DLG2: variants seen among roughly 807,000 people sequenced by gnomAD.
DLG2 encodes the protein disks large homolog 2.
DLG2 carries 45 observed loss-of-function variants against 132.5 expected under a neutral mutation model. The ratio of observed to expected loss-of-function variants is 0.34; its 90% confidence interval spans 0.27 to 0.44. The LOEUF (loss-of-function observed/expected upper bound fraction) is 0.44. DLG2 is among the 20% of genes least tolerant of loss of function. The probability of loss-of-function intolerance (pLI) is 1.00; values close to 1 mark genes in which losing one functional copy is unlikely to be tolerated. For synonymous variants in DLG2, 424 were observed against 419.6 expected, an observed-to-expected ratio of 1.01 and a Z score of -0.13; for missense variants, 1,045 against 1,196.9, an observed-to-expected ratio of 0.87 and a Z score of 1.87.
chr11:83,624,387 A>T (rs185807072), intron 19 of DLG2, among the ~76,000 whole-genome samples: 14 of 152,224 alleles, frequency 9.2e-5, no homozygotes, highest in African/African-American at 3.4e-4. Flanking sequence ...ATCCACAATG[A>T]CTCCTCCTTC....
chr11:83,991,722 C>T (rs2093724133), intron 11 of DLG2, among the ~76,000 whole-genome samples: 1 of 152,068 alleles, frequency 6.6e-6, no homozygotes, highest in South Asian at 2.1e-4. Context: ...ATATTACAAA[C>T]CATCCTTAAT....
chr11:85,139,809 T>C (rs1484651570), intron 5 of DLG2, among the ~76,000 whole-genome samples: 1 of 152,092 alleles, frequency 6.6e-6, no homozygotes, highest in Non-Finnish European at 1.5e-5. Context: ...AACCACTGTT[T>C]TATTCTGTGT....
intron 18 of DLG2, among the ~76,000 whole-genome samples, chr11:83,653,104 C>T (rs1483831064): frequency 1.3e-5 from 2 of 152,152 alleles, no homozygotes; most frequent in African/African-American, 4.8e-5. Flanking sequence ...CATTCATGTA[C>T]ACAAAATGAC....
intron 11 of DLG2, among the ~76,000 whole-genome samples, chr11:83,997,791 A>T (rs1290072026): frequency 1.4e-5 from 2 of 146,492 alleles, no homozygotes; most frequent in Non-Finnish European, 3.0e-5. Context: ...AGTCCCTCAT[A>T]CAAACAGGAA....
At position 84,347,815 on chromosome 11, in the gene DLG2, T is replaced by A. The variant is rs888813396; in HGVS notation, c.520-96524A>T. On this transcript the variant is annotated intron_variant, in intron 7 of 27. Coordinates refer to ENST00000376104, the MANE Select transcript of DLG2 (RefSeq NM_001142699.3). ...AGTTCATAATATGTGAGAAAAATAA[T>A]GTTTATTTGTCACTCTTAGGCACAT... Among the ~76,000 whole-genome samples the A allele has an allele frequency of 3.9e-5, 6 of 152,292 alleles. 1 individual carries two copies. The South Asian group carries it at 1.0e-3, about 26-fold the overall frequency.
intron 3 of DLG2, among the ~76,000 whole-genome samples, chr11:85,580,738 T>C (rs1391817524): frequency 1.3e-5 from 2 of 152,188 alleles, no homozygotes; most frequent in Non-Finnish European, 2.9e-5. Flanking sequence ...GGCTCCAGAA[T>C]CCATACTCTT....
chr11:85,382,316 T>A (rs947510872), intron 3 of DLG2, among the ~76,000 whole-genome samples: 1 of 152,096 alleles, frequency 6.6e-6, no homozygotes, highest in African/African-American at 2.4e-5. Flanking sequence ...AAAATTCATA[T>A]GCAAAGGAAT....
At chr11:83,883,322 C>G (rs1032163512) in intron 15 of DLG2, among the ~76,000 whole-genome samples, 2 of 152,090 alleles carry the variant, frequency 1.3e-5, no homozygotes, top group Non-Finnish European at 2.9e-5. Context: ...ACCGAATTGA[C>G]TTGTAAGGCC....
At chr11:83,664,822 C>A (rs1251178323) in intron 18 of DLG2, among the ~76,000 whole-genome samples, 1 of 152,126 alleles carries the variant, frequency 6.6e-6, no homozygotes, top group Non-Finnish European at 1.5e-5. Context: ...GAAAGGTCCT[C>A]TTCTGAAAGC....
chr11:85,307,587 T>C (rs1445075316), intron 3 of DLG2, among the ~76,000 whole-genome samples: 1 of 152,160 alleles, frequency 6.6e-6, no homozygotes, highest in African/African-American at 2.4e-5. Flanking sequence ...ATGATCCCTT[T>C]CCTCAATTTC....
At chr11:84,822,799 G>A (rs1210257499) in intron 6 of DLG2, among the ~76,000 whole-genome samples, 1 of 151,884 alleles carries the variant, frequency 6.6e-6, no homozygotes, top group Non-Finnish European at 1.5e-5. Flanking sequence ...ATTTTCAAGG[G>A]ATTAAATGGG....
At chr11:83,629,053 G>C (rs768852550) in intron 19 of DLG2, among the ~76,000 whole-genome samples, 1 of 152,038 alleles carries the variant, frequency 6.6e-6, no homozygotes, top group African/African-American at 2.4e-5. Context: ...AAAGGCTCTT[G>C]GTTACCTCAT....
Position 84,166,356 on chromosome 11 carries a change from T to C in DLG2, c.574-2845A>G, listed in dbSNP as rs540489102. ...GTCTCTACTAAAATACAAAAAATTA[T>C]CTGGGCAGGGTGGCGTGCACCTGTA... is the stretch of plus-strand genomic sequence containing the variant. On this transcript the variant is annotated intron_variant, in intron 8 of 27. Transcript: ENST00000376104. 4.6e-5 allele frequency among the ~76,000 whole-genome samples: 7 copies of C among 151,520 alleles called. No homozygotes were observed. In the Middle Eastern group the frequency reaches 0.01, roughly 222 times the overall value.
chr11:84,520,538 A>G (rs1180514312), intron 7 of DLG2, among the ~76,000 whole-genome samples: 4 of 152,194 alleles, frequency 2.6e-5, no homozygotes, highest in Admixed American at 2.0e-4. Flanking sequence ...AGTCCCACAT[A>G]CTGACAACTC....
At chr11:84,201,690 A>G (rs2096595677) in intron 8 of DLG2, among the ~76,000 whole-genome samples, 1 of 149,652 alleles carries the variant, frequency 6.7e-6, no homozygotes, top group Admixed American at 6.7e-5. Context: ...GAAAGGGTGT[A>G]TGTGTCCAAG....
chr11:84,129,320 G>C (rs1234169324), intron 9 of DLG2, among the ~76,000 whole-genome samples: 4 of 152,008 alleles, frequency 2.6e-5, no homozygotes. Flanking sequence ...GAAGAAGTTT[G>C]GGTATTCAGG....
intron 3 of DLG2, among the ~76,000 whole-genome samples, chr11:85,374,322 G>A (rs998624240): frequency 4.6e-5 from 7 of 152,146 alleles, no homozygotes; most frequent in Non-Finnish European, 7.3e-5. Flanking sequence ...TCACACAAGA[G>A]GTTTTGGGGA....
chr11:84,069,923 T>C (rs1263338024), intron 10 of DLG2, among the ~76,000 whole-genome samples: 3 of 152,228 alleles, frequency 2.0e-5, no homozygotes, highest in Non-Finnish European at 4.4e-5. Context: ...TTCAATACTG[T>C]GTCCACTGAC....
chr11:85,406,334 G>C (rs1239168565), intron 3 of DLG2, among the ~76,000 whole-genome samples: 2 of 151,782 alleles, frequency 1.3e-5, no homozygotes, highest in Non-Finnish European at 2.9e-5. Context: ...ACTGAGAAAA[G>C]AGAGTCAAGC....
Sources: allele counts gnomAD v4.1 joint callset (sites outside exome capture counted in the v4.1 genomes callset), GRCh38; gene constraint gnomAD v4.1.1; transcripts MANE v1.5; gene names NCBI Gene and HGNC (gene_info 2026-07-23, HGNC 2026-07-21).